The following PCDH9 variants were observed in gnomAD, a reference collection of about 807,000 sequenced individuals.
PCDH9 encodes protocadherin-9.
PCDH9 carries 24 observed loss-of-function variants against 70.6 expected under a neutral mutation model. The observed-to-expected ratio is 0.34, with a 90% CI of 0.25 to 0.48. The LOEUF (loss-of-function observed/expected upper bound fraction) is 0.48. Among genes scored for constraint, PCDH9 ranks in the 20% least tolerant of loss-of-function variants. The pLI, the probability that PCDH9 is intolerant of heterozygous loss-of-function variation, is 0.99. For missense variants in PCDH9, 1,281 were observed against 1,503.6 expected, an observed-to-expected ratio of 0.85 and a Z score of 2.45; for synonymous variants, 562 against 558.5, an observed-to-expected ratio of 1.01 and a Z score of -0.09.
At chr13:66,788,585 C>T (rs2080114710) in intron 3 of PCDH9, among the ~76,000 whole-genome samples, 1 of 151,446 alleles carries the variant, frequency 6.6e-6, no homozygotes, top group African/African-American at 2.4e-5. Context: ...TCACTGACTT[C>T]CACTCTGAAT....
At chr13:66,800,651 T>A (rs560748924) in intron 3 of PCDH9, among the ~76,000 whole-genome samples, 1 of 152,158 alleles carries the variant, frequency 6.6e-6, no homozygotes, top group African/African-American at 2.4e-5. Context: ...TAGGTTAGGA[T>A]TGCAGTCAGC....
chr13:66,430,863 T>G (rs1286625145), intron 4 of PCDH9, among the ~76,000 whole-genome samples: 1 of 152,032 alleles, frequency 6.6e-6, no homozygotes, highest in Non-Finnish European at 1.5e-5. Flanking sequence ...GAACCTTCTC[T>G]TCCAAAGTTG....
At position 66,746,475 on chromosome 13, in the gene PCDH9, A is replaced by G. The variant is rs140797484; in HGVS notation, c.3139-115064T>C. Among the ~76,000 whole-genome samples, 1,103 of 152,312 alleles carry G rather than the reference A, an allele frequency of 7.2e-3. 9 individuals are homozygous for G. The highest frequency in any genetic ancestry group is 0.025 in the African/African-American group (1,049 of 41,588). On this transcript the variant is annotated intron_variant, in intron 3 of 4. Coordinates refer to ENST00000377865, the MANE Select transcript of PCDH9 (RefSeq NM_203487.3). The stretch of plus-strand genomic sequence containing the variant: ...GAAAACAGTGAATTATTCAAGGCAG[A>G]TAACCAGACAGAGAACTACAATAAA...
intron 3 of PCDH9, among the ~76,000 whole-genome samples, chr13:66,760,379 C>T (rs1188610299): frequency 1.3e-5 from 2 of 152,094 alleles, no homozygotes; most frequent in Non-Finnish European, 2.9e-5. Flanking sequence ...TGAGGGAAGT[C>T]AGGGACCCCA....
At chr13:67,142,757 T>G (rs1404387166) in intron 2 of PCDH9, among the ~76,000 whole-genome samples, 1 of 151,900 alleles carries the variant, frequency 6.6e-6, no homozygotes, top group African/African-American at 2.4e-5. Context: ...TCCCAGCACT[T>G]TGGGAGGCCG....
chr13:66,670,539 C>T (rs1032350177), intron 3 of PCDH9, among the ~76,000 whole-genome samples: 2 of 151,994 alleles, frequency 1.3e-5, no homozygotes, highest in African/African-American at 4.8e-5. Context: ...TGGTGGCATG[C>T]AGTTTTAAAA....
intron 4 of PCDH9, among the ~76,000 whole-genome samples, chr13:66,456,100 A>G (rs1170681797): frequency 6.6e-6 from 1 of 152,188 alleles, no homozygotes; most frequent in African/African-American, 2.4e-5. Context: ...AATATATCTG[A>G]ATCATCTGAA....
intron 2 of PCDH9, among the ~76,000 whole-genome samples, chr13:67,008,134 AC>A (rs1209210453): frequency 5.9e-5 from 9 of 152,144 alleles, no homozygotes; most frequent in Non-Finnish European, 1.2e-4. Flanking sequence ...ATAAGAAAAA[AC>A]ATAATAATAT....
chr13:67,119,725 A>G (rs2086842649), intron 2 of PCDH9, among the ~76,000 whole-genome samples: 1 of 152,164 alleles, frequency 6.6e-6, no homozygotes, highest in Non-Finnish European at 1.5e-5. Flanking sequence ...TGGAACTCAC[A>G]TATTTTAGAA....
chr13:66,680,295 T>C (rs992944666), intron 3 of PCDH9, among the ~76,000 whole-genome samples: 4 of 152,010 alleles, frequency 2.6e-5, no homozygotes, highest in African/African-American at 9.7e-5. Flanking sequence ...ATTCTATTTA[T>C]AGGTAATTTA....
intron 2 of PCDH9, among the ~76,000 whole-genome samples, chr13:67,134,726 C>G (rs889952521): frequency 6.6e-6 from 1 of 152,198 alleles, no homozygotes; most frequent in South Asian, 2.1e-4. Flanking sequence ...CACTCAGAAA[C>G]ATGCTTGAGA....
At chr13:66,654,462 A>G (rs921613790) in intron 3 of PCDH9, among the ~76,000 whole-genome samples, 10 of 152,042 alleles carry the variant, frequency 6.6e-5, no homozygotes, top group South Asian at 4.1e-4. Flanking sequence ...GAATTACTAT[A>G]AGAGTATAAT....
At chr13:66,705,053 A>T (rs1386540113) in intron 3 of PCDH9, among the ~76,000 whole-genome samples, 7 of 152,156 alleles carry the variant, frequency 4.6e-5, no homozygotes, top group African/African-American at 1.7e-4. Context: ...TGTACAATAT[A>T]TACCTTTTCT....
intron 2 of PCDH9, among the ~76,000 whole-genome samples, chr13:67,134,835 C>T (rs2087193851): frequency 6.6e-6 from 1 of 151,920 alleles, no homozygotes; most frequent in Non-Finnish European, 1.5e-5. Flanking sequence ...CCTTGACTCG[C>T]CATCAAAATT....
At chr13:66,556,484 G>C (rs1223496815) in intron 4 of PCDH9, among the ~76,000 whole-genome samples, 2 of 152,032 alleles carry the variant, frequency 1.3e-5, no homozygotes, top group African/African-American at 2.4e-5. Flanking sequence ...ACATTCCATT[G>C]CCCCAAACTG....
intron 2 of PCDH9, among the ~76,000 whole-genome samples, chr13:67,041,484 C>A (rs149488431): frequency 3.9e-5 from 6 of 152,208 alleles, no homozygotes; most frequent in Non-Finnish European, 8.8e-5. Flanking sequence ...ATTTTACTAA[C>A]TTTTCCAAGA....
chr13:66,648,474 A>C (rs1361792213), intron 3 of PCDH9, among the ~76,000 whole-genome samples: 1 of 152,256 alleles, frequency 6.6e-6, no homozygotes, highest in Non-Finnish European at 1.5e-5. Context: ...GTACCTTCAA[A>C]AGTCAGCAAG....
chr13:66,305,409 A>G (rs1408911716), intron 4 of PCDH9, among the ~76,000 whole-genome samples: 1 of 152,026 alleles, frequency 6.6e-6, no homozygotes, highest in Admixed American at 6.6e-5. Context: ...CATATTTATG[A>G]TAAATTATAA....
chr13:66,642,763 G>A (rs1258567350), intron 3 of PCDH9, among the ~76,000 whole-genome samples: 5 of 151,422 alleles, frequency 3.3e-5, no homozygotes, highest in Admixed American at 1.3e-4. Flanking sequence ...TATATTTGAG[G>A]AATTCCAATA....
Sources: allele counts gnomAD v4.1 joint callset (sites outside exome capture counted in the v4.1 genomes callset), GRCh38; gene constraint gnomAD v4.1.1; transcripts MANE v1.5; gene names NCBI Gene and HGNC (gene_info 2026-07-23, HGNC 2026-07-21).